Variants in SYN3 observed in about 807,000 individuals in gnomAD.
SYN3 encodes synapsin III.
A neutral mutation model predicts 65.8 loss-of-function variants in SYN3; 35 were observed. The ratio of observed to expected loss-of-function variants is 0.53; its 90% CI spans 0.41 to 0.70. SYN3 has a LOEUF of 0.70. SYN3 is among the 30% of genes least tolerant of loss of function. The probability of loss-of-function intolerance (pLI) is 0.00; values close to 1 mark genes in which losing one functional copy is unlikely to be tolerated. For missense variants in SYN3, 680 were observed against 749.0 expected, an observed-to-expected ratio of 0.91 and a Z score of 1.08; for synonymous variants, 270 against 292.9, an observed-to-expected ratio of 0.92 and a Z score of 0.80.
At chr22:32,872,057 A>T (rs999784705) in intron 4 of SYN3, among the ~76,000 whole-genome samples, 4 of 152,052 alleles carry the variant, frequency 2.6e-5, no homozygotes, top group African/African-American at 4.8e-5. Flanking sequence ...CCTCAAAGCC[A>T]CCATTCTGTC....
intron 7 of SYN3, among the ~76,000 whole-genome samples, chr22:32,557,055 T>C (rs2058513993): frequency 6.6e-6 from 1 of 152,186 alleles, no homozygotes; most frequent in Non-Finnish European, 1.5e-5. Context: ...GATAGATGCA[T>C]CAGGACCATG....
intron 6 of SYN3, among the ~76,000 whole-genome samples, chr22:32,796,695 G>A (rs1350882803): frequency 2.0e-5 from 3 of 152,142 alleles, no homozygotes; most frequent in Non-Finnish European, 4.4e-5. Context: ...TCACATGGAC[G>A]GTGGGGCTTG....
chr22:32,907,086 G>A (rs1293327744), intron 4 of SYN3, among the ~76,000 whole-genome samples: 2 of 152,172 alleles, frequency 1.3e-5, no homozygotes, highest in Non-Finnish European at 2.9e-5. Context: ...TCACCACACT[G>A]TCTTCCACAA....
At chr22:32,718,821 C>T (rs1000078742) in intron 6 of SYN3, among the ~76,000 whole-genome samples, 1 of 152,180 alleles carries the variant, frequency 6.6e-6, no homozygotes, top group African/African-American at 2.4e-5. Context: ...TACAGGTCTC[C>T]CACAACTCCA....
intron 2 of SYN3, among the ~76,000 whole-genome samples, chr22:33,000,639 C>G (rs568118356): frequency 6.6e-6 from 1 of 152,228 alleles, no homozygotes; most frequent in Admixed American, 6.5e-5. Flanking sequence ...GAAAAGGGGG[C>G]AGCATCATCG....
chr22:32,839,888 TCTA>T (rs1405641906), intron 6 of SYN3, among the ~76,000 whole-genome samples: 1 of 152,036 alleles, frequency 6.6e-6, no homozygotes, highest in African/African-American at 2.4e-5. Context: ...CTTCATTTCA[TCTA>T]CAACAGACGT....
intron 7 of SYN3, among the ~76,000 whole-genome samples, chr22:32,543,910 A>G (rs535427234): frequency 1.3e-3 from 199 of 152,342 alleles, no homozygotes; most frequent in African/African-American, 4.4e-3. Flanking sequence ...ATGGCTGAGT[A>G]GAAAGATGGA....
chr22:32,751,515 C>G (rs1179149872), intron 6 of SYN3, among the ~76,000 whole-genome samples: 1 of 152,156 alleles, frequency 6.6e-6, no homozygotes, highest in Admixed American at 6.5e-5. Context: ...CAAGGTGTGT[C>G]TCTGACTCAG....
chr22:32,806,106 A>C (rs542043938), intron 6 of SYN3, among the ~76,000 whole-genome samples: 2 of 152,054 alleles, frequency 1.3e-5, no homozygotes, highest in Admixed American at 6.5e-5. Context: ...AAGACATTTC[A>C]GGGCTTCAAG....
chr22:32,863,801 G>A (rs2048613406), intron 6 of SYN3, among the ~76,000 whole-genome samples: 1 of 152,158 alleles, frequency 6.6e-6, no homozygotes, highest in Admixed American at 6.5e-5. Context: ...TCATTTTCCT[G>A]AGACCTAGTG....
rs560916273 is a variant in SYN3, at chr22:32,511,942, A to G, written c.*1750T>C. ...AGGGCAATGTGAAGAGGACTGTCCT[A>G]AAGGCCAAGTGGCTTTCTGGCAGCC... On this transcript the variant is annotated 3_prime_UTR_variant, in exon 14 of 14. Coordinates refer to ENST00000358763, the MANE Select transcript of SYN3 (RefSeq NM_003490.4). 2.6e-5 allele frequency among the ~76,000 whole-genome samples: 4 copies of G among 152,326 alleles called. No homozygotes were observed. The East Asian group carries it at 7.7e-4, about 29-fold the overall frequency.
At chr22:32,749,276 T>C (rs1233111214) in intron 6 of SYN3, among the ~76,000 whole-genome samples, 1 of 151,168 alleles carries the variant, frequency 6.6e-6, no homozygotes, top group Non-Finnish European at 1.5e-5. Flanking sequence ...TCTGCCTTCA[T>C]GACCTAATCA....
At chr22:32,747,583 G>T (rs1020377018) in intron 6 of SYN3, among the ~76,000 whole-genome samples, 4 of 152,170 alleles carry the variant, frequency 2.6e-5, no homozygotes, top group African/African-American at 9.6e-5. Flanking sequence ...GGAAAGTGAG[G>T]CTCAGAAGGA....
rs193290694 is a variant in SYN3, at chr22:32,999,443, G to A, written c.311+6909C>T. The stretch of plus-strand genomic sequence containing the variant: ...CTCACGCCTATAATCCCAGCACTCC[G>A]GGAGGCCGAGGCAGGCAGATCACTT... On this transcript the variant is annotated intron_variant, in intron 2 of 13. Transcript: ENST00000358763. Among the ~76,000 whole-genome samples, 609 of 152,272 alleles carry A rather than the reference G, an allele frequency of 4.0e-3. 1 individual carries two copies. Among genetic ancestry groups the A allele is most frequent in the Non-Finnish European group, 5.8e-3 (395 of 68,026 alleles).
chr22:32,892,060 C>G (rs372055578), intron 4 of SYN3, among the ~76,000 whole-genome samples: 1 of 151,806 alleles, frequency 6.6e-6, no homozygotes, highest in Non-Finnish European at 1.5e-5. Flanking sequence ...TTTGGGAGAC[C>G]GAGGCGGGCG....
At chr22:32,729,628 G>T (rs983623753) in intron 6 of SYN3, among the ~76,000 whole-genome samples, 16 of 152,182 alleles carry the variant, frequency 1.1e-4, no homozygotes, top group African/African-American at 3.9e-4. Context: ...TGGGTTCAAG[G>T]TTACCCCCAT....
chr22:32,540,574 A>G (rs771055747), intron 8 of SYN3, among the ~76,000 whole-genome samples: 8 of 152,216 alleles, frequency 5.3e-5, no homozygotes, highest in Non-Finnish European at 1.2e-4. Context: ...TCTCCCAAGA[A>G]CGAGACAGTC....
chr22:32,634,291 C>G (rs983592111), intron 6 of SYN3, among the ~76,000 whole-genome samples: 11 of 152,288 alleles, frequency 7.2e-5, no homozygotes, highest in African/African-American at 2.2e-4. Context: ...AGCAGGCAGT[C>G]TGGCACCAGA....
chr22:32,987,650 C>A (rs770886773), intron 2 of SYN3, among the ~76,000 whole-genome samples: 2 of 152,138 alleles, frequency 1.3e-5, no homozygotes, highest in Non-Finnish European at 2.9e-5. Context: ...TAACAGGGCC[C>A]CGAGCCACAG....
Sources: allele counts gnomAD v4.1 joint callset (sites outside exome capture counted in the v4.1 genomes callset), GRCh38; gene constraint gnomAD v4.1.1; transcripts MANE v1.5; gene names NCBI Gene and HGNC (gene_info 2026-07-23, HGNC 2026-07-21).